Variants in DGKI observed in about 807,000 individuals in gnomAD.
DGKI encodes diacylglycerol kinase iota, also known as DAG kinase iota.
Under a neutral mutation model 147.5 loss-of-function variants are expected in DGKI, and 55 were observed. The ratio of observed to expected loss-of-function variants is 0.37; its 90% CI spans 0.30 to 0.47. The LOEUF is 0.47. Among genes scored for constraint, DGKI ranks in the 20% least tolerant of loss-of-function variants. DGKI has a pLI of 1.00. For missense variants in DGKI, 1,007 were observed against 1,323.8 expected, an observed-to-expected ratio of 0.76 and a Z score of 3.71; for synonymous variants, 469 against 477.1, an observed-to-expected ratio of 0.98 and a Z score of 0.22.
chr7:137,548,565 G>T (rs577208738), intron 20 of DGKI, among the ~76,000 whole-genome samples: 2 of 151,978 alleles, frequency 1.3e-5, no homozygotes, highest in Non-Finnish European at 2.9e-5. Flanking sequence ...TTCACCTTCT[G>T]CCCTGACTGT....
chr7:137,389,023 C>T lies in DGKI; in HGVS notation c.*2197G>A, dbSNP rs1811266695. The T allele has an allele frequency of 6.6e-6, 1 of 152,138 alleles. No homozygotes were observed. Among genetic ancestry groups the T allele is most frequent in the Non-Finnish European group, 1.5e-5 (1 of 68,012 alleles). The allele number at this position is 152,138 out of a possible 1,614,324, so 9.4% of individuals were successfully genotyped here. A position where few individuals can be genotyped will look rare whatever the true frequency, so the allele number is the denominator to read the frequency against. On this transcript the variant is annotated 3_prime_UTR_variant, in exon 33 of 33. Transcript: ENST00000614521. ...ACAGAGTTCTTCATCCCAACAGTAA[C>T]AGCTAGATAACTGACTGCTTGGCCA...
intron 19 of DGKI, among the ~76,000 whole-genome samples, chr7:137,567,313 T>C (rs866493657): frequency 6.6e-6 from 1 of 150,996 alleles, no homozygotes; most frequent in Non-Finnish European, 1.5e-5. Flanking sequence ...CAACCCTTAA[T>C]GTTTCCTACA....
At position 137,846,706 on chromosome 7, in the gene DGKI, TGGCGCCCGCTCC is replaced by T. The variant is rs1798748639; in HGVS notation, c.145_156del (p.Gly49_Ala52del). Reference sequence around the variant, plus strand: ...TCTCCCGCCGAGGAGCTGGGGTTCATGGCGCCCGCTCCGGCGGCCGCGGAGGGAGCGCAGGCG... The same window carrying T: ...TCTCCCGCCGAGGAGCTGGGGTTCATGGCGGCCGCGGAGGGAGCGCAGGCG... On this transcript the variant is annotated inframe_deletion, in exon 1 of 33. Transcript: ENST00000614521. This position sits in a 1 kb window ranked among gnomAD's most constrained non-coding sequence, Gnocchi z 4.0. 6.7e-6 allele frequency: 7 copies of T among 1,037,614 alleles called. No individual in the cohort carries two copies. Among genetic ancestry groups the T allele is most frequent in the Non-Finnish European group, 8.1e-6 (7 of 863,556 alleles). The allele number at this position is 1,037,614 out of a possible 1,614,324, so 64.3% of individuals were successfully genotyped here. A position where few individuals can be genotyped will look rare whatever the true frequency, so the allele number is the denominator to read the frequency against.
At chr7:137,415,830 A>T (rs1812338487) in intron 28 of DGKI, among the ~76,000 whole-genome samples, 1 of 152,148 alleles carries the variant, frequency 6.6e-6, no homozygotes, top group African/African-American at 2.4e-5. Flanking sequence ...AAATAAAAAA[A>T]TATAAAAAAT....
chr7:137,427,871 T>C lies in DGKI; in HGVS notation c.2762-15664A>G, dbSNP rs562764358. 3.6e-4 allele frequency among the ~76,000 whole-genome samples: 55 copies of C among 152,088 alleles called. 1 individual carries two copies. Among genetic ancestry groups the C allele is most frequent in the African/African-American group, 1.3e-3 (55 of 41,520 alleles). On this transcript the variant is annotated intron_variant, in intron 28 of 32. Coordinates refer to ENST00000614521, the MANE Select transcript of DGKI (RefSeq NM_001321708.2). Reference sequence around the variant, plus strand: ...ACCAGGAAGAAGTTGAATCTCTGAATAGACCAATAACAGGAGCTGAAATTG... The same window carrying C: ...ACCAGGAAGAAGTTGAATCTCTGAACAGACCAATAACAGGAGCTGAAATTG...
intron 12 of DGKI, among the ~76,000 whole-genome samples, chr7:137,595,691 T>A (rs1489303409): frequency 6.6e-6 from 1 of 152,072 alleles, no homozygotes; most frequent in African/African-American, 2.4e-5. Context: ...CAGTGCTTCC[T>A]CCACATATCT....
intron 1 of DGKI, among the ~76,000 whole-genome samples, chr7:137,845,820 G>A (rs1304005029): frequency 6.6e-6 from 1 of 152,104 alleles, no homozygotes; most frequent in Non-Finnish European, 1.5e-5. Flanking sequence ...CTCCAGCCAG[G>A]AGAGAGGCAA....
intron 1 of DGKI, among the ~76,000 whole-genome samples, chr7:137,837,780 C>T (rs1478496631): frequency 6.6e-6 from 1 of 152,102 alleles, no homozygotes; most frequent in Non-Finnish European, 1.5e-5. Flanking sequence ...TGTTTAGAAG[C>T]CGCCCAGTCT....
chr7:137,392,259 A>G (rs1811394152), intron 32 of DGKI, among the ~76,000 whole-genome samples: 3 of 152,202 alleles, frequency 2.0e-5, no homozygotes, highest in African/African-American at 2.4e-5. Flanking sequence ...GCTATTTTTT[A>G]AATGAGGCCA....
Position 137,582,250 on chromosome 7 carries a change from G to A in DGKI, c.1564-322C>T, listed in dbSNP as rs187393838. The stretch of plus-strand genomic sequence containing the variant: ...TGCTGAAGGATATATATTTGCAATA[G>A]TTACAGAGAAGAATTCACTAAGCAA... On this transcript the variant is annotated intron_variant, in intron 14 of 32. Coordinates refer to ENST00000614521, the MANE Select transcript of DGKI (RefSeq NM_001321708.2). Among the ~76,000 whole-genome samples, 285 of 152,188 alleles carry A rather than the reference G, an allele frequency of 1.9e-3. 3 individuals carry two copies. The South Asian group carries it at 0.033, about 18-fold the overall frequency.
chr7:137,825,691 CACACAT>C (rs1585538927), intron 1 of DGKI, among the ~76,000 whole-genome samples: 2 of 151,678 alleles, frequency 1.3e-5, no homozygotes, highest in African/African-American at 2.4e-5. Flanking sequence ...CACATACACA[CACACAT>C]ACACATACAC....
intron 1 of DGKI, among the ~76,000 whole-genome samples, chr7:137,718,312 T>A (rs1794443692): frequency 6.6e-6 from 1 of 152,170 alleles, no homozygotes; most frequent in Non-Finnish European, 1.5e-5. Context: ...TTATGTAACT[T>A]GTCCCAAATT....
At chr7:137,792,189 T>C (rs559381725) in intron 1 of DGKI, among the ~76,000 whole-genome samples, 36 of 152,052 alleles carry the variant, frequency 2.4e-4, no homozygotes, top group African/African-American at 8.4e-4. Context: ...AGCATAGAGA[T>C]GGAAATCCCT....
intron 6 of DGKI, among the ~76,000 whole-genome samples, chr7:137,625,732 T>C (rs1820913345): frequency 7.0e-6 from 1 of 143,800 alleles, no homozygotes; most frequent in African/African-American, 2.7e-5. Flanking sequence ...ACCTTATCTC[T>C]ATATTAAAAT....
chr7:137,419,378 A>G (rs185608490), intron 28 of DGKI, among the ~76,000 whole-genome samples: 74 of 152,324 alleles, frequency 4.9e-4, no homozygotes, highest in Admixed American at 4.8e-3. Context: ...CGTGGCTACC[A>G]GATAACTTAT....
At chr7:137,722,248 G>A in intron 1 of DGKI, 4 of 1,604,828 alleles carry the variant, frequency 2.5e-6, no homozygotes, top group Non-Finnish European at 1.7e-6. Context: ...GAAGGAGAAG[G>A]TTCTTGCAAC....
At chr7:137,561,131 T>A (rs2128971046) in intron 19 of DGKI, among the ~76,000 whole-genome samples, 2 of 152,244 alleles carry the variant, frequency 1.3e-5, no homozygotes, top group Middle Eastern at 6.8e-3. Flanking sequence ...AACCCCCATG[T>A]TTATTGCAGC....
rs564320870 is a variant in DGKI, at chr7:137,512,203, A to G, written c.2248+9663T>C. ...AGTGCCCTGGATTAAGAGAGAAAAT[A>G]TATAATTTCTTATTAAAATCCCACC... On this transcript the variant is annotated intron_variant, in intron 21 of 32. Transcript: ENST00000614521. Among the ~76,000 whole-genome samples the G allele has an allele frequency of 2.6e-5, 4 of 152,340 alleles. No individual in the cohort carries two copies. The East Asian group carries it at 7.7e-4, about 29-fold the overall frequency.
intron 1 of DGKI, among the ~76,000 whole-genome samples, chr7:137,720,557 C>T (rs911409896): frequency 3.9e-5 from 6 of 152,010 alleles, no homozygotes; most frequent in Non-Finnish European, 5.9e-5. Context: ...CGCGCCCGGC[C>T]GAAAAAGTCT....
Sources: gnomAD v4.1 joint callset for allele counts (sites outside exome capture counted in the v4.1 genomes callset) on GRCh38, gnomAD v4.1.1 for gene constraint, Gnocchi (gnomAD v3.1) non-coding constraint, MANE v1.5 for transcripts, NCBI Gene and HGNC (gene_info 2026-07-23, HGNC 2026-07-21) for gene names.